SLC44A1: variants seen among roughly 807,000 people sequenced by gnomAD.
SLC44A1 encodes solute carrier family 44 member 1.
A neutral mutation model predicts 79.3 loss-of-function variants in SLC44A1; 26 were observed. The observed-to-expected ratio is 0.33, with a 90% CI of 0.24 to 0.46. SLC44A1 has a LOEUF of 0.46. Among genes scored for constraint, SLC44A1 ranks in the 20% least tolerant of loss-of-function variants. The pLI, the probability that SLC44A1 is intolerant of heterozygous loss-of-function variation, is 1.00. For synonymous variants in SLC44A1, 263 were observed against 286.2 expected (o/e 0.92, Z 0.82); for missense variants, 688 against 798.1 (o/e 0.86, Z 1.66).
chr9:105,436,327 A>G (rs117586732), intron 15 of SLC44A1, among the ~76,000 whole-genome samples: 14 of 152,224 alleles, frequency 9.2e-5, no homozygotes, highest in Non-Finnish European at 1.9e-4. Flanking sequence ...ACCAAGCAAC[A>G]ATCAGTCAGA....
intron 1 of SLC44A1, among the ~76,000 whole-genome samples, chr9:105,260,627 T>G (rs1829817564): frequency 6.6e-6 from 1 of 152,212 alleles, no homozygotes. Context: ...ACGTGAATCA[T>G]TGTTTCTCAG....
At chr9:105,277,602 G>T (rs1830238784) in intron 1 of SLC44A1, among the ~76,000 whole-genome samples, 1 of 152,148 alleles carries the variant, frequency 6.6e-6, no homozygotes, top group African/African-American at 2.4e-5. Context: ...TAAAATGGAA[G>T]CCTCAACAAT....
Position 105,302,298 on chromosome 9 carries a change from A to T in SLC44A1, c.126+2989A>T, listed in dbSNP as rs373873494. 5.3e-5 allele frequency among the ~76,000 whole-genome samples: 8 copies of T among 152,150 alleles called. No individual in the cohort carries two copies. In the East Asian group the frequency reaches 1.2e-3, roughly 22 times the overall value. On this transcript the variant is annotated intron_variant, in intron 2 of 15. Coordinates refer to ENST00000374720, the MANE Select transcript of SLC44A1 (RefSeq NM_080546.5). ...TTTGTATATTTCATTAAGGCAGTAA[A>T]CAAGTGGTTTTTAGCCCTAGCTGTA...
At chr9:105,385,996 G>T in intron 15 of SLC44A1, 1 of 985,234 alleles carries the variant, frequency 1.0e-6, no homozygotes, top group Non-Finnish European at 1.2e-6. Flanking sequence ...TTTTTCTTCT[G>T]TTGCCTAGGT....
In SLC44A1 at chr9:105,392,023, A is replaced by G. The variant is rs1414202019; in HGVS notation, c.*2967A>G. ...TCCTGCCTGAAGAATAAGGTCTTCC[A>G]TAATATGGAAGAGAAAAGTTATATT... is the stretch of plus-strand genomic sequence containing the variant. On this transcript the variant is annotated 3_prime_UTR_variant, in exon 16 of 16. Transcript: ENST00000374720. 2.0e-6 allele frequency: 2 copies of G among 985,252 alleles called. No individual in the cohort carries two copies. Among genetic ancestry groups the G allele is most frequent in the African/African-American group, 3.5e-5 (2 of 57,240 alleles). The allele number at this position is 985,252 out of a possible 1,614,324, so 61.0% of individuals were successfully genotyped here. A position where few individuals can be genotyped will look rare whatever the true frequency, so the allele number is the denominator to read the frequency against.
At chr9:105,308,681 A>G (rs1204708656) in intron 2 of SLC44A1, among the ~76,000 whole-genome samples, 2 of 152,240 alleles carry the variant, frequency 1.3e-5, no homozygotes, top group South Asian at 2.1e-4. Context: ...TAGCAGGGCT[A>G]TTTACATAAG....
rs575818228 is a variant in SLC44A1 at position 105,323,215 on chromosome 9, C to CA, written c.270-12328dup. On this transcript the variant is annotated intron_variant, in intron 3 of 15. Coordinates refer to ENST00000374720, the MANE Select transcript of SLC44A1 (RefSeq NM_080546.5). ...TGGGCAACAGAGTGAAACTCCATCT[C>CA]AAAAAAAAAAAAAAAAAAAAGAAAG... Among the ~76,000 whole-genome samples, 378 of 76,192 alleles carry CA rather than the reference C, an allele frequency of 5.0e-3. 3 individuals are homozygous for CA. The highest frequency in any genetic ancestry group is 0.019 in the East Asian group (32 of 1,682). 50.0% of individuals were successfully genotyped at this position (76,192 alleles called of 152,430 possible). A position where few individuals can be genotyped will look rare whatever the true frequency, so the allele number is the denominator to read the frequency against.
At chr9:105,399,577 T>G (rs957005555), downstream of SLC44A1, among the ~76,000 whole-genome samples, 9 of 152,198 alleles carry the variant, frequency 5.9e-5, no homozygotes, top group African/African-American at 2.2e-4. Context: ...GCTAGGCATA[T>G]GACTAAATTC....
At chr9:105,291,886 AC>A (rs1830608395) in intron 1 of SLC44A1, among the ~76,000 whole-genome samples, 1 of 152,100 alleles carries the variant, frequency 6.6e-6, no homozygotes. Context: ...TCAGAAGGAT[AC>A]TCTTGATTGT....
At chr9:105,333,175 T>A (rs1826805356) in intron 3 of SLC44A1, among the ~76,000 whole-genome samples, 1 of 152,190 alleles carries the variant, frequency 6.6e-6, no homozygotes, top group South Asian at 2.1e-4. Flanking sequence ...GGACAGACAG[T>A]GTATCTATTC....
chr9:105,395,264 C>G lies in SLC44A1; in HGVS notation c.*6208C>G. On this transcript the variant is annotated 3_prime_UTR_variant, in exon 16 of 16. Coordinates refer to ENST00000374720, the MANE Select transcript of SLC44A1 (RefSeq NM_080546.5). ...AGACGGAGTCTCGCTCTATCGCCAG[C>G]TTAGAGTGCAGTGGCTCAATCTTAG... The G allele has an allele frequency of 2.3e-6, 2 of 865,000 alleles. No homozygotes were observed. The highest frequency in any genetic ancestry group is 2.8e-6 in the Non-Finnish European group (2 of 720,340). The allele number at this position is 865,000 out of a possible 1,614,324, so 53.6% of individuals were successfully genotyped here.
At chr9:105,371,701 AGAGT>A (rs35088472) in intron 12 of SLC44A1, among the ~76,000 whole-genome samples, 13,859 of 140,576 alleles carry the variant, frequency 0.099, 1,750 homozygotes, top group African/African-American at 0.3. Flanking sequence ...CCTGGGCGAC[AGAGT>A]GAGACTCCAT....
intron 7 of SLC44A1, among the ~76,000 whole-genome samples, chr9:105,358,742 T>C (rs1394656969): frequency 6.6e-6 from 1 of 152,168 alleles, no homozygotes; most frequent in Non-Finnish European, 1.5e-5. Context: ...TTCACTGGTA[T>C]GTTTGGTCTT....
rs1188770816 is a variant in SLC44A1 at position 105,276,565 on chromosome 9, C to CATGTGT, written c.37-22655_37-22654insATGTGT. Among the ~76,000 whole-genome samples, 91 of 118,996 alleles carry CATGTGT rather than the reference C, an allele frequency of 7.6e-4. 1 individual carries two copies. Among genetic ancestry groups the CATGTGT allele is most frequent in the Admixed American group, 2.3e-3 (26 of 11,464 alleles). The allele number at this position is 118,996 out of a possible 152,430, so 78.1% of individuals were successfully genotyped here. On this transcript the variant is annotated intron_variant, in intron 1 of 15. Coordinates refer to ENST00000374720, the MANE Select transcript of SLC44A1 (RefSeq NM_080546.5). ...AAGTTAGGAAACGGGGATGGGGAGC[C>CATGTGT]GTGTGTGTGTGTGTGTGTGTGTGTG...
At chr9:105,330,082 A>G (rs1435642522) in intron 3 of SLC44A1, among the ~76,000 whole-genome samples, 1 of 152,206 alleles carries the variant, frequency 6.6e-6, no homozygotes, top group Non-Finnish European at 1.5e-5. Context: ...GTATACACCT[A>G]GTAATGTTTG....
chr9:105,400,730 C>G (rs1270381132), downstream of SLC44A1, among the ~76,000 whole-genome samples: 1 of 151,982 alleles, frequency 6.6e-6, no homozygotes, highest in African/African-American at 2.4e-5. Flanking sequence ...TATAGGTTCC[C>G]AGGTTTTTTA....
chr9:105,279,666 T>C (rs1362732791), intron 1 of SLC44A1, among the ~76,000 whole-genome samples: 1 of 152,146 alleles, frequency 6.6e-6, no homozygotes, highest in Non-Finnish European at 1.5e-5. Flanking sequence ...AACAAGTCAG[T>C]CTTGTACTCG....
At position 105,247,675 on chromosome 9, in the gene SLC44A1, A is replaced by G. The variant is rs1262763173; in HGVS notation, c.36+2771A>G. 7.9e-5 allele frequency among the ~76,000 whole-genome samples: 12 copies of G among 152,104 alleles called. No homozygotes were observed. In the South Asian group the frequency reaches 2.3e-3, roughly 29 times the overall value. On this transcript the variant is annotated intron_variant, in intron 1 of 15. Coordinates refer to ENST00000374720, the MANE Select transcript of SLC44A1 (RefSeq NM_080546.5). ...GGATTGTAAGCTTCTTGAGCACAGG[A>G]ACTGTTTTTGTTTTCCTTATTTGTG...
intron 3 of SLC44A1, among the ~76,000 whole-genome samples, chr9:105,324,638 T>C (rs1170654376): frequency 6.6e-6 from 1 of 152,206 alleles, no homozygotes; most frequent in Non-Finnish European, 1.5e-5. Context: ...ATCTAGTGAA[T>C]ATCTGTGCCT....
Sources: gnomAD v4.1 joint callset for allele counts (sites outside exome capture counted in the v4.1 genomes callset) on GRCh38, gnomAD v4.1.1 for gene constraint, MANE v1.5 for transcripts, NCBI Gene and HGNC (gene_info 2026-07-23, HGNC 2026-07-21) for gene names.